PVT1: variants seen among roughly 807,000 people sequenced by gnomAD.
PVT1 encodes Pvt1 oncogene.
intron 5 of PVT1, among the ~76,000 whole-genome samples, chr8:128,090,644 G>A (rs1006109444): frequency 6.6e-6 from 1 of 152,048 alleles, no homozygotes; most frequent in Admixed American, 6.5e-5. Flanking sequence ...GGGGCTGTGG[G>A]TCCCATGAGA....
chr8:127,914,013 G>A (rs1198963466), intron 3 of PVT1, among the ~76,000 whole-genome samples: 3 of 151,980 alleles, frequency 2.0e-5, no homozygotes, highest in Non-Finnish European at 4.4e-5. Context: ...TAGGCTTGAG[G>A]CAGCATACGA....
intron 2 of PVT1, among the ~76,000 whole-genome samples, chr8:127,885,185 G>A (rs1324809767): frequency 1.3e-5 from 2 of 152,074 alleles, no homozygotes; most frequent in African/African-American, 4.8e-5. Flanking sequence ...TGTAGGAGCC[G>A]AGGAGTGAGT....
intron 2 of PVT1, among the ~76,000 whole-genome samples, chr8:127,858,802 A>ATTTTTT (rs1442302514): frequency 1.0e-4 from 4 of 38,358 alleles, no homozygotes; most frequent in Non-Finnish European, 1.8e-4. Flanking sequence ...ACACTTGAAG[A>ATTTTTT]TTCTTTTTTT....
At chr8:127,850,933 G>A (rs1206854638) in intron 2 of PVT1, among the ~76,000 whole-genome samples, 1 of 151,892 alleles carries the variant, frequency 6.6e-6, no homozygotes, top group Non-Finnish European at 1.5e-5. Context: ...CTTGAACCCA[G>A]GAGCTGGAGA....
intron 3 of PVT1, among the ~76,000 whole-genome samples, chr8:127,935,578 C>G (rs1266327234): frequency 6.6e-6 from 1 of 152,040 alleles, no homozygotes; most frequent in African/African-American, 2.4e-5. Context: ...ATGACAGAAT[C>G]ACATATGTAT....
At chr8:127,955,810 C>G (rs762673742) in intron 3 of PVT1, among the ~76,000 whole-genome samples, 28 of 152,164 alleles carry the variant, frequency 1.8e-4, no homozygotes, top group Admixed American at 4.6e-4. Flanking sequence ...GTCTCAAACT[C>G]CTAGCCTCAA....
intron 3 of PVT1, among the ~76,000 whole-genome samples, chr8:127,970,924 G>C (rs962173571): frequency 1.3e-5 from 2 of 152,148 alleles, no homozygotes; most frequent in African/African-American, 4.8e-5. Context: ...ATCTAAATCA[G>C]GGGCCAGCAA....
In PVT1 at chr8:127,930,165, AT is replaced by A. The variant is rs577975530; in HGVS notation, n.782+39176del. ...GGTGGGGCGGTGCGGAATTATTATT[AT>A]TTTTTTTTGGGACAGAGTCTCACTC... On this transcript the variant is annotated intron_variant and non_coding_transcript_variant, in intron 3 of 10. Transcript: ENST00000651587. Among the ~76,000 whole-genome samples the A allele has an allele frequency of 2.0e-5, 3 of 151,020 alleles. No individual in the cohort carries two copies. In the East Asian group the frequency reaches 5.9e-4, roughly 30 times the overall value.
At chr8:128,018,079 C>T (rs1382688437) in intron 4 of PVT1, among the ~76,000 whole-genome samples, 1 of 152,162 alleles carries the variant, frequency 6.6e-6, no homozygotes, top group Non-Finnish European at 1.5e-5. Context: ...TCCAAAATAG[C>T]TTCAATCTCC....
chr8:127,937,546 AAG>A, intron 3 of PVT1, among the ~76,000 whole-genome samples: 1 of 115,296 alleles, frequency 8.7e-6, no homozygotes, highest in Non-Finnish European at 1.7e-5. Flanking sequence ...CCTAGGGAAA[AAG>A]ACACACACAC....
At chr8:128,042,075 G>A (rs908518853) in intron 4 of PVT1, among the ~76,000 whole-genome samples, 3 of 152,120 alleles carry the variant, frequency 2.0e-5, no homozygotes, top group African/African-American at 4.8e-5. Context: ...GAGTAATCCC[G>A]TTTATTAAAG....
chr8:128,098,115 T>C (rs956527864), intron 6 of PVT1, among the ~76,000 whole-genome samples: 1 of 152,052 alleles, frequency 6.6e-6, no homozygotes, highest in Non-Finnish European at 1.5e-5. Context: ...CCCTCTACTC[T>C]CTGCCTTCCC....
intron 4 of PVT1, among the ~76,000 whole-genome samples, chr8:128,050,794 G>A (rs776572944): frequency 6.6e-6 from 1 of 152,166 alleles, no homozygotes; most frequent in Admixed American, 6.5e-5. Context: ...TAAATGAATG[G>A]GGTTTTCCCT....
intron 3 of PVT1, among the ~76,000 whole-genome samples, chr8:127,938,397 C>G (rs1231202715): frequency 6.6e-6 from 1 of 152,156 alleles, no homozygotes; most frequent in Non-Finnish European, 1.5e-5. Context: ...TCTCAGACAG[C>G]TGTGTCCACG....
chr8:128,032,245 T>C (rs1813400347), intron 4 of PVT1, among the ~76,000 whole-genome samples: 1 of 152,192 alleles, frequency 6.6e-6, no homozygotes, highest in South Asian at 2.1e-4. Context: ...CCCACACTGC[T>C]GTGCCTACAG....
intron 4 of PVT1, among the ~76,000 whole-genome samples, chr8:128,021,661 T>C (rs957600573): frequency 1.3e-5 from 2 of 152,184 alleles, no homozygotes; most frequent in Non-Finnish European, 2.9e-5. Flanking sequence ...AGGGTGAGTG[T>C]GCTAAAAATA....
intron 2 of PVT1, among the ~76,000 whole-genome samples, chr8:127,806,842 G>A (rs185570922): frequency 3.3e-5 from 5 of 152,250 alleles, no homozygotes; most frequent in Middle Eastern, 3.4e-3. Flanking sequence ...TAATGCATTC[G>A]GGACCCTTCC....
At chr8:127,881,464 A>T (rs746848583) in intron 2 of PVT1, among the ~76,000 whole-genome samples, 1 of 90,736 alleles carries the variant, frequency 1.1e-5, no homozygotes, top group African/African-American at 8.2e-5. Context: ...TATTATTATT[A>T]TTTCAGATGG....
chr8:128,073,898 A>G (rs917583731), intron 5 of PVT1, among the ~76,000 whole-genome samples: 2 of 152,038 alleles, frequency 1.3e-5, no homozygotes, highest in Non-Finnish European at 2.9e-5. Context: ...GTCCAAGTGC[A>G]GAGGCAGTTC....
Sources: gnomAD v4.1 joint callset for allele counts (sites outside exome capture counted in the v4.1 genomes callset) on GRCh38, gnomAD v4.1.1 for gene constraint, MANE v1.5 for transcripts, NCBI Gene and HGNC (gene_info 2026-07-23, HGNC 2026-07-21) for gene names.